Variants in IBTK observed in about 807,000 individuals in gnomAD.
IBTK encodes BTK-binding protein.
In IBTK, 83 loss-of-function variants were observed where a neutral mutation model predicts 154.9. That is an observed-to-expected ratio of 0.54 (90% CI 0.45 to 0.64). The LOEUF is 0.64. IBTK is among the 30% of genes least tolerant of loss of function. The pLI, the probability that IBTK is intolerant of heterozygous loss-of-function variation, is 0.00. For missense variants in IBTK, 1,332 were observed against 1,584.6 expected (o/e 0.84, Z 2.71); for synonymous variants, 515 against 536.1 (o/e 0.96, Z 0.54).
At chr6:82,208,759 T>A (rs994466387) in intron 16 of IBTK, among the ~76,000 whole-genome samples, 1 of 151,934 alleles carries the variant, frequency 6.6e-6, no homozygotes, top group African/African-American at 2.4e-5. Context: ...TAAAAAAAAA[T>A]TAAGTTTTTG....
chr6:82,214,784 C>G lies in IBTK; in HGVS notation c.1647G>C (p.Glu549Asp). 1 of 1,608,578 alleles carries G rather than the reference C, an allele frequency of 6.2e-7. No homozygotes were observed. Among genetic ancestry groups the G allele is most frequent in the Non-Finnish European group, 8.5e-7 (1 of 1,178,066 alleles). ...PAVSSSSFFEEFGKLLREADE... is the reference protein window; with the variant it reads ...PAVSSSSFFEDFGKLLREADE... The stretch of plus-strand genomic sequence containing the variant: ...CTGCTTCCCTCAACAGTTTGCCAAA[C>G]TCTTCAAAAAAGGATGATGAGGACA... The change falls in exon 12 of 29, where the codon GAG becomes GAC. Residue 549 changes from glutamate to aspartate, a missense_variant. This residue lies in a region of IBTK where 1,134 missense variants were observed against 1,274.7 expected (regional missense o/e 0.89). Coordinates refer to ENST00000306270, the MANE Select transcript of IBTK (RefSeq NM_015525.4).
intron 4 of IBTK, among the ~76,000 whole-genome samples, chr6:82,231,509 C>T (rs1582249607): frequency 1.3e-5 from 2 of 152,238 alleles, no homozygotes; most frequent in East Asian, 3.9e-4. Context: ...GCACAAATAT[C>T]TTATATTTTA....
chr6:82,208,376 A>T (rs1769492867), intron 16 of IBTK, among the ~76,000 whole-genome samples: 1 of 152,128 alleles, frequency 6.6e-6, no homozygotes, highest in Admixed American at 6.6e-5. Flanking sequence ...AGAAGAAAAC[A>T]TACAGGGTAA....
chr6:82,239,236 T>C (rs994718354), intron 2 of IBTK, among the ~76,000 whole-genome samples: 3 of 151,424 alleles, frequency 2.0e-5, no homozygotes. Flanking sequence ...GGTCAGGAGA[T>C]CGAGACCATC....
At position 82,171,471 on chromosome 6, in the gene IBTK, G is replaced by A. The variant is rs760619638; in HGVS notation, c.4016C>T (p.Pro1339Leu). The A allele has an allele frequency of 7.4e-6, 12 of 1,613,072 alleles. No individual in the cohort carries two copies. Among genetic ancestry groups the A allele is most frequent in the East Asian group, 2.2e-5 (1 of 44,854 alleles). ...PEEFVIVERT[P>L]QGPLAVPMWN... ...CATAGGTACTGCCAGTGGTCCCTGC[G>A]GTGTCCTTTCAACAATGACAAACTC... The change falls in exon 29 of 29, where the codon CCG becomes CTG. Residue 1339 changes from proline (P) to leucine (L), a missense_variant. Physicochemically the swap from Pro to Leu is moderately conservative, Grantham distance 98. Around this residue, in one of 3 missense-constraint regions of IBTK, gnomAD observed 1,134 missense variants for 1,274.7 expected, o/e 0.89. Coordinates refer to ENST00000306270, the MANE Select transcript of IBTK (RefSeq NM_015525.4).
chr6:82,233,697 AAT>A (rs1446926612), intron 3 of IBTK, among the ~76,000 whole-genome samples: 4 of 151,558 alleles, frequency 2.6e-5, no homozygotes, highest in African/African-American at 9.7e-5. Flanking sequence ...ACCTTAATGG[AAT>A]ACATTTGTAA....
chr6:82,195,015 T>C (rs962762754), intron 22 of IBTK, among the ~76,000 whole-genome samples: 9 of 152,156 alleles, frequency 5.9e-5, no homozygotes, highest in Admixed American at 5.2e-4. Flanking sequence ...TTTGTATAAA[T>C]GTCATATAAT....
At chr6:82,231,330 T>C (rs1172692545) in intron 4 of IBTK, among the ~76,000 whole-genome samples, 1 of 151,712 alleles carries the variant, frequency 6.6e-6, no homozygotes, top group Non-Finnish European at 1.5e-5. Flanking sequence ...AAAAGAACTG[T>C]TGTTCACTTA....
intron 25 of IBTK, among the ~76,000 whole-genome samples, chr6:82,189,662 C>T (rs929857176): frequency 2.0e-5 from 3 of 152,054 alleles, no homozygotes; most frequent in Non-Finnish European, 2.9e-5. Context: ...GGAAAAGACC[C>T]GGTTCAGATC....
intron 26 of IBTK, among the ~76,000 whole-genome samples, chr6:82,175,602 T>A (rs1488166392): frequency 6.6e-6 from 1 of 152,200 alleles, no homozygotes; most frequent in African/African-American, 2.4e-5. Flanking sequence ...AACTTTCAAA[T>A]AATAAATATA....
chr6:82,191,826 C>T lies in IBTK; in HGVS notation c.3392G>A (p.Ser1131Asn). ...DLRTIMEIEE[S>N]RQKCGATPKS... The stretch of plus-strand genomic sequence containing the variant: ...TGGTGTAGCTCCACATTTTTGTCTA[C>T]TTTCTTCTATTTCCATGATAGTTCT... The change falls in exon 24 of 29, where the codon AGT (serine) becomes AAT (asparagine). Residue 1131 changes from serine (S) to asparagine (N), a missense_variant. Around this residue, in one of 3 missense-constraint regions of IBTK, gnomAD observed 1,134 missense variants for 1,274.7 expected, o/e 0.89. Coordinates refer to ENST00000306270, the MANE Select transcript of IBTK (RefSeq NM_015525.4). The T allele has an allele frequency of 6.2e-7, 1 of 1,611,800 alleles. No individual in the cohort carries two copies. Among genetic ancestry groups the T allele is most frequent in the Non-Finnish European group, 8.5e-7 (1 of 1,178,098 alleles).
intron 10 of IBTK, 75 bp from the exon 11 acceptor site, chr6:82,216,325 T>C (rs1359941133): frequency 3.2e-6 from 3 of 951,688 alleles, no homozygotes; most frequent in African/African-American, 3.3e-5. Flanking sequence ...GTAAATGGAA[T>C]AGAAAAGGAG....
At chr6:82,217,078 C>T (rs1371218568) in intron 10 of IBTK, among the ~76,000 whole-genome samples, 1 of 152,082 alleles carries the variant, frequency 6.6e-6, no homozygotes, top group Admixed American at 6.5e-5. Context: ...ATATAAGAAA[C>T]ATTTGAGAAA....
In IBTK at chr6:82,247,559, C is replaced by T; in HGVS notation, c.-358+3G>A. ...GGTCGGGCAGCGCCAAGCCCTCCCT[C>T]ACCAGTCGCTAGATGAAACTGCGCC... is the stretch of plus-strand genomic sequence containing the variant. On this transcript the variant is annotated splice_donor_region_variant and intron_variant, in intron 1 of 28. Transcript: ENST00000306270. 1 of 399,018 alleles carries T rather than the reference C, an allele frequency of 2.5e-6. No individual in the cohort carries two copies. Among genetic ancestry groups the T allele is most frequent in the South Asian group, 1.3e-4 (1 of 7,872 alleles). 24.7% of individuals were successfully genotyped at this position (399,018 alleles called of 1,614,324 possible). A position where few individuals can be genotyped will look rare whatever the true frequency, so the allele number is the denominator to read the frequency against.
intron 6 of IBTK, among the ~76,000 whole-genome samples, chr6:82,224,728 G>T (rs1404630447): frequency 1.3e-5 from 2 of 152,212 alleles, no homozygotes; most frequent in African/African-American, 4.8e-5. Flanking sequence ...TGTGATATCT[G>T]TGCAGAGGCA....
intron 1 of IBTK, among the ~76,000 whole-genome samples, chr6:82,244,460 C>T (rs568836714): frequency 2.2e-4 from 34 of 152,330 alleles, no homozygotes; most frequent in Admixed American, 6.5e-4. Context: ...GTCGCAGAAA[C>T]ATTTAAGCAT....
In IBTK at chr6:82,227,228, T is replaced by C; in HGVS notation, c.618A>G (p.Gly206=). The change falls in exon 5 of 29, where the codon GGA becomes GGG. Residue 206 remains glycine, a synonymous_variant. Coordinates refer to ENST00000306270, the MANE Select transcript of IBTK (RefSeq NM_015525.4). ...GTTCATCTCCATGTCCTAATCGCCC[T>C]CCAGGACCATGACCACAGGTATAAA... The part of the protein sequence containing the change: ...GQVYTCGHGP[G]GRLGHGDEQT... The C allele has an allele frequency of 6.2e-7, 1 of 1,612,934 alleles. No homozygotes were observed. The highest frequency in any genetic ancestry group is 1.7e-5 in the Admixed American group (1 of 59,934).
intron 1 of IBTK, among the ~76,000 whole-genome samples, chr6:82,242,429 C>T (rs1770986669): frequency 6.6e-6 from 1 of 151,976 alleles, no homozygotes; most frequent in Admixed American, 6.6e-5. Flanking sequence ...ACCTATACCC[C>T]CTAAAACTAT....
intron 2 of IBTK, among the ~76,000 whole-genome samples, chr6:82,239,604 G>A (rs1770861451): frequency 7.8e-6 from 1 of 127,732 alleles, no homozygotes; most frequent in South Asian, 2.5e-4. Context: ...CACACAGCCA[G>A]TAAACAGTAA....
Sources: allele counts gnomAD v4.1 joint callset (sites outside exome capture counted in the v4.1 genomes callset), GRCh38; gene constraint gnomAD v4.1.1; regional missense constraint gnomAD v4.1.1; transcripts MANE v1.5; gene names NCBI Gene and HGNC (gene_info 2026-07-23, HGNC 2026-07-21).